RAB6B: variants seen among roughly 807,000 people sequenced by gnomAD.
The protein encoded by RAB6B is RAB6B, member RAS oncogene family.
A neutral mutation model predicts 31.2 loss-of-function variants in RAB6B; 7 were observed. The observed-to-expected ratio is 0.22, with a 90% CI of 0.13 to 0.42. The LOEUF is 0.42. Among genes scored for constraint, RAB6B ranks in the 10% least tolerant of loss-of-function variants. The probability of loss-of-function intolerance (pLI) is 1.00; values close to 1 mark genes in which losing one functional copy is unlikely to be tolerated. For synonymous variants in RAB6B, 105 were observed against 104.9 expected (o/e 1.00, Z -0.01); for missense variants, 149 against 280.6 (o/e 0.53, Z 3.35).
rs539333768 is a variant in RAB6B at position 133,828,818 on chromosome 3, G to A, written c.597C>T (p.Pro199=). The part of the protein sequence containing the change: ...IDIKLDKPQE[P]PASEGGCSC ...AGGAGCAGCCGCCCTCGCTGGCCGGGGGCTCCTGGGGTTTGTCCAGCTTGA... is the reference window on the plus strand; with the variant it reads ...AGGAGCAGCCGCCCTCGCTGGCCGGAGGCTCCTGGGGTTTGTCCAGCTTGA... Residue 199 remains proline, a synonymous_variant, in exon 8 of 8, where the codon CCC becomes CCT. Coordinates refer to ENST00000285208, the MANE Select transcript of RAB6B (RefSeq NM_016577.4). The A allele has an allele frequency of 1.2e-6, 2 of 1,613,268 alleles. No individual in the cohort carries two copies. The highest frequency in any genetic ancestry group is 1.7e-6 in the Non-Finnish European group (2 of 1,179,628).
At chr3:133,840,645 T>G (rs1203501881) in intron 4 of RAB6B, among the ~76,000 whole-genome samples, 1 of 152,178 alleles carries the variant, frequency 6.6e-6, no homozygotes, top group Non-Finnish European at 1.5e-5. Context: ...ACCACAGCCC[T>G]GAGGGCTTAT....
intron 2 of RAB6B, among the ~76,000 whole-genome samples, chr3:133,842,511 C>T (rs1935850428): frequency 6.6e-6 from 1 of 152,166 alleles, no homozygotes; most frequent in Non-Finnish European, 1.5e-5. Flanking sequence ...TGAATGTCCA[C>T]GGCACTAAAT....
At chr3:133,851,384 G>A (rs1399296069) in intron 2 of RAB6B, among the ~76,000 whole-genome samples, 1 of 152,224 alleles carries the variant, frequency 6.6e-6, no homozygotes, top group Middle Eastern at 3.2e-3. Flanking sequence ...TGCCTGTAGA[G>A]AACAGGATGG....
At chr3:133,846,747 A>G (rs542125380) in intron 2 of RAB6B, among the ~76,000 whole-genome samples, 15 of 152,380 alleles carry the variant, frequency 9.8e-5, no homozygotes, top group Admixed American at 9.1e-4. Context: ...TTGATTTATC[A>G]TCAGAAACAA....
rs1356798573 is a variant in RAB6B at position 133,828,199 on chromosome 3, CAA to C, written c.*587_*588del. ...ACGACCCACTCTGGCCATGGAAAGACAAGAGTCAGAGCTACCTTTTCAGAGGC... is the reference window on the plus strand; with the variant it reads ...ACGACCCACTCTGGCCATGGAAAGACGAGTCAGAGCTACCTTTTCAGAGGC... On this transcript the variant is annotated 3_prime_UTR_variant, in exon 8 of 8. Transcript: ENST00000285208. 5 of 576,762 alleles carry C rather than the reference CAA, an allele frequency of 8.7e-6. No individual in the cohort carries two copies. Among genetic ancestry groups the C allele is most frequent in the South Asian group, 4.3e-5 (2 of 46,824 alleles). 35.7% of individuals were successfully genotyped at this position (576,762 alleles called of 1,614,324 possible). A position where few individuals can be genotyped will look rare whatever the true frequency, so the allele number is the denominator to read the frequency against.
chr3:133,867,960 C>G (rs1319188939), intron 1 of RAB6B, among the ~76,000 whole-genome samples: 1 of 152,210 alleles, frequency 6.6e-6, no homozygotes, highest in Non-Finnish European at 1.5e-5. Context: ...CTCGTCACTT[C>G]TGCCAGGGTA....
At chr3:133,867,758 A>G (rs28581668) in intron 1 of RAB6B, among the ~76,000 whole-genome samples, 13,862 of 152,228 alleles carry the variant, frequency 0.091, 1,121 homozygotes, top group African/African-American at 0.22. Flanking sequence ...GGGTACAAGG[A>G]GGGCTCAGAA....
At chr3:133,844,618 A>G (rs994232657) in intron 2 of RAB6B, among the ~76,000 whole-genome samples, 2 of 152,202 alleles carry the variant, frequency 1.3e-5, no homozygotes, top group Non-Finnish European at 2.9e-5. Context: ...AAGAAATAAC[A>G]ATTTGCAAGC....
chr3:133,852,882 A>G (rs958022592), intron 2 of RAB6B, among the ~76,000 whole-genome samples: 2 of 152,132 alleles, frequency 1.3e-5, no homozygotes, highest in East Asian at 3.9e-4. Context: ...GCATTTTGCC[A>G]CTAGTATGTG....
At chr3:133,874,327 T>C (rs1248344207) in intron 1 of RAB6B, among the ~76,000 whole-genome samples, 1 of 152,220 alleles carries the variant, frequency 6.6e-6, no homozygotes, top group Non-Finnish European at 1.5e-5. Context: ...TGGTACAGCT[T>C]ACTACACACC....
intron 4 of RAB6B, 135 bp downstream of exon 4, chr3:133,841,150 C>A: frequency 1.3e-6 from 1 of 786,538 alleles, no homozygotes. Flanking sequence ...TTTCTGCATT[C>A]AGGGAGCAAT....
chr3:133,887,330 C>A (rs945676364), intron 1 of RAB6B, among the ~76,000 whole-genome samples: 1 of 152,192 alleles, frequency 6.6e-6, no homozygotes, highest in Admixed American at 6.5e-5. Context: ...CATGCCCCTC[C>A]CCCACATTGT....
intron 6 of RAB6B, among the ~76,000 whole-genome samples, chr3:133,835,780 C>G (rs780237206): frequency 6.6e-6 from 1 of 151,942 alleles, no homozygotes; most frequent in African/African-American, 2.4e-5. Context: ...CCCGAGGGAG[C>G]CTGTCTGCCC....
intron 7 of RAB6B, among the ~76,000 whole-genome samples, chr3:133,829,124 C>G (rs1490926424): frequency 1.3e-5 from 2 of 152,194 alleles, no homozygotes; most frequent in African/African-American, 4.8e-5. Flanking sequence ...GCCAGGGAGT[C>G]CCTTTCCCAG....
In RAB6B at chr3:133,825,346, C is replaced by A. The variant is rs1032253295; in HGVS notation, c.*3442G>T. 1.3e-5 allele frequency: 2 copies of A among 152,264 alleles called. No homozygotes were observed. Among genetic ancestry groups the A allele is most frequent in the African/African-American group, 4.8e-5 (2 of 41,456 alleles). 9.4% of individuals were successfully genotyped at this position (152,264 alleles called of 1,614,324 possible). On this transcript the variant is annotated 3_prime_UTR_variant, in exon 8 of 8. Transcript: ENST00000285208. ...TGCAGACGTTGCACCCCAGATGTGT[C>A]TGCACTCTTAACTACCACCATTTCA...
rs1431091161 is a variant in RAB6B at position 133,839,160 on chromosome 3, C to T, written c.401+346G>A. ...AGGCACAGACAGTTCACAGTGCACA[C>T]GCTGGGGCCTAGAGGACTGCTGTGT... On this transcript the variant is annotated intron_variant, in intron 5 of 7. Transcript: ENST00000285208. Among the ~76,000 whole-genome samples the T allele has an allele frequency of 3.3e-5, 5 of 152,258 alleles. 1 individual carries two copies. The highest frequency in any genetic ancestry group is 4.1e-4 in the South Asian group (2 of 4,832).
At chr3:133,841,259 T>C (rs1040189784) in intron 4 of RAB6B, 26 bp downstream of exon 4, 1 of 1,611,892 alleles carries the variant, frequency 6.2e-7, no homozygotes, top group Non-Finnish European at 8.5e-7. Flanking sequence ...TGAGCCACCC[T>C]CCCTTAGGAG....
chr3:133,885,394 G>A (rs1291147710), intron 1 of RAB6B: 107 of 695,570 alleles, frequency 1.5e-4, no homozygotes, highest in Non-Finnish European at 2.6e-4. Context: ...ATGGCCAGAG[G>A]ATGGGCTGCT....
intron 7 of RAB6B, among the ~76,000 whole-genome samples, 176 bp downstream of exon 7, chr3:133,834,399 G>A (rs1935700889): frequency 6.6e-6 from 1 of 152,132 alleles, no homozygotes; most frequent in Admixed American, 6.5e-5. Context: ...GCCAGACGGG[G>A]GCTCCAAACC....
Sources: allele counts gnomAD v4.1 joint callset (sites outside exome capture counted in the v4.1 genomes callset), GRCh38; gene constraint gnomAD v4.1.1; transcripts MANE v1.5; gene names NCBI Gene and HGNC (gene_info 2026-07-23, HGNC 2026-07-21).